TENM1: variants seen among roughly 807,000 people sequenced by gnomAD.
TENM1 encodes teneurin-1.
TENM1 carries 35 observed loss-of-function variants against 174.8 expected under a neutral mutation model. The observed-to-expected ratio is 0.20, with a 90% confidence interval of 0.15 to 0.27. The LOEUF is 0.27. TENM1 is among the 10% of genes least tolerant of loss of function. The pLI is 1.00. For missense variants in TENM1, 1,633 were observed against 2,130.1 expected, an observed-to-expected ratio of 0.77 and a Z score of 4.59; for synonymous variants, 781 against 798.7, an observed-to-expected ratio of 0.98 and a Z score of 0.37.
chrX:124,792,214 C>T (rs2055196345), intron 3 of TENM1, among the ~76,000 whole-genome samples: 1 of 111,632 alleles, frequency 9.0e-6, no homozygotes. Context: ...AAAATAAATT[C>T]ATTTTCTTTT....
intron 3 of TENM1, among the ~76,000 whole-genome samples, chrX:124,768,832 CA>C (rs1451109402): frequency 8.9e-6 from 1 of 112,422 alleles, no homozygotes; most frequent in Non-Finnish European, 1.9e-5. Context: ...TTCACATATT[CA>C]GTATTGAACA....
intron 23 of TENM1, among the ~76,000 whole-genome samples, chrX:124,432,200 T>C (rs1338057123): frequency 8.9e-6 from 1 of 111,878 alleles, no homozygotes; most frequent in African/African-American, 3.3e-5. Flanking sequence ...GGTGTCATCA[T>C]GTTTTCTAAC....
At chrX:124,752,457 C>A (rs10482537) in intron 3 of TENM1, among the ~76,000 whole-genome samples, 18,507 of 110,255 alleles carry the variant, frequency 0.17, 2,064 homozygotes, top group African/African-American at 0.4. Context: ...GTTCACTCTG[C>A]TGGTAGTTTC....
chrX:125,039,084 A>C, the TENM1 span, among the ~76,000 whole-genome samples: 5 of 111,543 alleles, frequency 4.5e-5, no homozygotes, highest in Non-Finnish European at 7.6e-5. Context: ...ACTCTTTCCC[A>C]ATGAGCTAAT....
At chrX:125,136,654 T>C in the TENM1 span, among the ~76,000 whole-genome samples, 1 of 111,704 alleles carries the variant, frequency 9.0e-6, no homozygotes, top group Admixed American at 9.6e-5. Context: ...ATTTGAAATA[T>C]AGTCAGCTCT....
intron 4 of TENM1, among the ~76,000 whole-genome samples, chrX:124,735,767 C>T (rs1227066757): frequency 9.0e-6 from 1 of 111,401 alleles, no homozygotes; most frequent in Non-Finnish European, 1.9e-5. Flanking sequence ...AAAAAAAAAT[C>T]ATGTTTTTTG....
the TENM1 span, among the ~76,000 whole-genome samples, chrX:125,037,185 CAATCTCT>C: frequency 1.8e-5 from 2 of 110,186 alleles, no homozygotes; most frequent in Non-Finnish European, 3.8e-5. Flanking sequence ...CCCTAATTTG[CAATCTCT>C]AATCTCCTGG....
chrX:124,691,521 C>T (rs2052522714), intron 5 of TENM1, among the ~76,000 whole-genome samples: 1 of 112,097 alleles, frequency 8.9e-6, no homozygotes, highest in South Asian at 3.7e-4. Flanking sequence ...TAAACACGTT[C>T]ATACATTGCT....
At chrX:124,586,910 C>G (rs1304576069) in intron 11 of TENM1, among the ~76,000 whole-genome samples, 2 of 109,585 alleles carry the variant, frequency 1.8e-5, no homozygotes, top group African/African-American at 6.7e-5. Flanking sequence ...AAACAGAGAG[C>G]CAAATCATGA....
At chrX:125,086,405 A>G in the TENM1 span, among the ~76,000 whole-genome samples, 44 of 110,803 alleles carry the variant, frequency 4.0e-4, no homozygotes, top group South Asian at 0.016. Context: ...ATAATCAACT[A>G]AACAGAAAAA....
the TENM1 span, among the ~76,000 whole-genome samples, chrX:125,082,438 C>A: frequency 9.0e-6 from 1 of 111,116 alleles, no homozygotes; most frequent in Non-Finnish European, 1.9e-5. Flanking sequence ...ATCTACAGGG[C>A]CCCATACAAA....
intron 11 of TENM1, among the ~76,000 whole-genome samples, chrX:124,588,862 C>T (rs2049638457): frequency 9.0e-6 from 1 of 110,730 alleles, no homozygotes; most frequent in South Asian, 3.9e-4. Context: ...AGTCTGAGTT[C>T]CTCTCTTCCT....
chrX:124,706,186 G>A (rs1227289057), intron 4 of TENM1, among the ~76,000 whole-genome samples: 1 of 112,583 alleles, frequency 8.9e-6, no homozygotes, highest in African/African-American at 3.2e-5. Context: ...ACAGGCGTGA[G>A]CCGCTGTGCC....
At chrX:125,112,577 T>C in the TENM1 span, among the ~76,000 whole-genome samples, 10 of 111,318 alleles carry the variant, frequency 9.0e-5, no homozygotes, top group Non-Finnish European at 1.5e-4. Context: ...AAAAAAGATA[T>C]ACACAAATTC....
intron 7 of TENM1, among the ~76,000 whole-genome samples, 155 bp from the exon 11 acceptor site, chrX:124,652,279 C>A (rs2051327825): frequency 9.0e-6 from 1 of 111,407 alleles, no homozygotes. Flanking sequence ...TTAGACTTGG[C>A]CAGGCACGGT....
intron 1 of TENM1, among the ~76,000 whole-genome samples, chrX:124,960,487 T>C (rs561162803): frequency 8.9e-6 from 1 of 112,158 alleles, no homozygotes; most frequent in African/African-American, 3.2e-5. Flanking sequence ...CAGCATTGGC[T>C]TCAAGGTCTG....
the TENM1 span, among the ~76,000 whole-genome samples, chrX:125,000,932 G>GT: frequency 1.2e-3 from 125 of 108,393 alleles, no homozygotes; most frequent in South Asian, 4.4e-3. Flanking sequence ...AGCCTCCTTT[G>GT]TTTTTTTTTC....
rs747660178 is a variant in TENM1, at chrX:124,561,625, G to A, written c.2434+46C>T. On this transcript the variant is annotated intron_variant, in intron 14 of 31. Coordinates refer to ENST00000422452, the Ensembl canonical transcript of TENM1. Reference sequence around the variant, plus strand: ...CCAGGTTGATTACCACTGTGCTAGAGGCTGGGCTATTCCTTTCTTACGTGA... The same window carrying A: ...CCAGGTTGATTACCACTGTGCTAGAAGCTGGGCTATTCCTTTCTTACGTGA... The A allele has an allele frequency of 1.3e-5, 15 of 1,199,880 alleles. No individual in the cohort carries two copies. In the South Asian group the frequency reaches 2.7e-4, roughly 22 times the overall value.
At chrX:124,808,973 T>C (rs370446189) in intron 3 of TENM1, among the ~76,000 whole-genome samples, 1 of 110,072 alleles carries the variant, frequency 9.1e-6, no homozygotes, top group African/African-American at 3.3e-5. Context: ...AGGAAGGGAA[T>C]AATAAAGAAC....
Sources: gnomAD v4.1 joint callset for allele counts (sites outside exome capture counted in the v4.1 genomes callset) on GRCh38, gnomAD v4.1.1 for gene constraint, MANE v1.5 for transcripts, NCBI Gene and HGNC (gene_info 2026-07-23, HGNC 2026-07-21) for gene names.